The following MPDZ variants were observed in gnomAD, a reference collection of about 807,000 sequenced individuals.
The protein encoded by MPDZ is multiple PDZ domain protein.
Under a neutral mutation model 239.1 loss-of-function variants are expected in MPDZ, and 234 were observed. The ratio of observed to expected loss-of-function variants is 0.98; its 90% CI spans 0.88 to 1.09. The LOEUF is 1.09. Among genes scored for constraint, MPDZ ranks in the 50% least tolerant of loss-of-function variants. The probability of loss-of-function intolerance (pLI) is 0.00; values close to 1 mark genes in which losing one functional copy is unlikely to be tolerated. For missense variants in MPDZ, 3,175 were observed against 2,510.0 expected, an observed-to-expected ratio of 1.26 and a Z score of -5.66; for synonymous variants, 1,048 against 881.3, an observed-to-expected ratio of 1.19 and a Z score of -3.35.
Position 13,106,364 on chromosome 9 carries a change from C to G in MPDZ, c.*601G>C, listed in dbSNP as rs1302915042. ...TTTGCCATTTACTCAATTGTAGAAA[C>G]CAATTTTAGCAGGAAAAATATATAT... On this transcript the variant is annotated 3_prime_UTR_variant, in exon 47 of 47. Transcript: ENST00000319217. 6.6e-6 allele frequency: 1 copy of G among 151,948 alleles called. No homozygotes were observed. Among genetic ancestry groups the G allele is most frequent in the Non-Finnish European group, 1.5e-5 (1 of 67,984 alleles). The allele number at this position is 151,948 out of a possible 1,614,324, so 9.4% of individuals were successfully genotyped here.
intron 21 of MPDZ, among the ~76,000 whole-genome samples, chr9:13,174,405 A>C (rs894513125): frequency 6.6e-6 from 1 of 152,224 alleles, no homozygotes; most frequent in Non-Finnish European, 1.5e-5. Context: ...GTTCTCAGAT[A>C]GGCTTTGCAA....
intron 3 of MPDZ, among the ~76,000 whole-genome samples, chr9:13,230,914 G>T (rs949585600): frequency 6.6e-6 from 1 of 152,142 alleles, no homozygotes; most frequent in Middle Eastern, 3.4e-3. Context: ...GGGAAAAAAA[G>T]GAAAGACAAA....
intron 21 of MPDZ, among the ~76,000 whole-genome samples, chr9:13,168,799 T>C (rs1158079072): frequency 6.6e-6 from 1 of 151,738 alleles, no homozygotes; most frequent in Admixed American, 6.6e-5. Context: ...CAGATCTACA[T>C]TGTGGAATGA....
intron 2 of MPDZ, among the ~76,000 whole-genome samples, chr9:13,248,098 C>T (rs1428140499): frequency 4.6e-5 from 7 of 150,796 alleles, no homozygotes; most frequent in East Asian, 1.9e-4. Context: ...CATGGTGGTG[C>T]GCTCCTGTAA....
chr9:13,246,214 A>G (rs541388886), intron 3 of MPDZ, among the ~76,000 whole-genome samples: 5 of 152,234 alleles, frequency 3.3e-5, no homozygotes, highest in Non-Finnish European at 7.4e-5. Flanking sequence ...TCGGGAGGCC[A>G]AGGCGGATAG....
chr9:13,244,966 T>C (rs1470048862), intron 3 of MPDZ, among the ~76,000 whole-genome samples: 5 of 152,068 alleles, frequency 3.3e-5, no homozygotes, highest in Non-Finnish European at 7.4e-5. Flanking sequence ...TTTCTAATAA[T>C]AGTAAAAAAG....
Position 13,188,908 on chromosome 9 carries a change from G to C in MPDZ, c.2240C>G (p.Pro747Arg). ...GIAEKDGRLL[P>R]GDRLMFVNDV... ...GTTTACAAACATGAGTCGGTCACCA[G>C]GAAGAAGTCGTCCATCCTTTTCAGC... The change falls in exon 17 of 47, where the codon CCT (proline) becomes CGT (arginine). Residue 747 changes from proline to arginine, a missense_variant. Transcript: ENST00000319217. 6.2e-7 allele frequency: 1 copy of C among 1,613,488 alleles called. No individual in the cohort carries two copies. The highest frequency in any genetic ancestry group is 8.5e-7 in the Non-Finnish European group (1 of 1,179,590).
In MPDZ at chr9:13,138,092, T is replaced by C; in HGVS notation, c.4065A>G (p.Lys1355=). 6.2e-7 allele frequency: 1 copy of C among 1,613,014 alleles called. No individual in the cohort carries two copies. The highest frequency in any genetic ancestry group is 1.1e-5 in the South Asian group (1 of 90,802). ...TGELHMIELE[K]GHSGLGLSLA... ...GACTTAGGCCCAAACCACTATGACC[T>C]TTCTCCAGTTCAATCATATGCAGCT... Residue 1355 remains lysine (K), a synonymous_variant, in exon 29 of 47, where the codon AAA becomes AAG. Transcript: ENST00000319217.
At chr9:13,150,177 C>A (rs1220662265) in intron 25 of MPDZ, among the ~76,000 whole-genome samples, 1 of 151,880 alleles carries the variant, frequency 6.6e-6, no homozygotes, top group African/African-American at 2.4e-5. Context: ...AATTATTTTA[C>A]CTTGGAGCCA....
At chr9:13,254,847 A>G (rs1969033357) in intron 1 of MPDZ, among the ~76,000 whole-genome samples, 1 of 152,200 alleles carries the variant, frequency 6.6e-6, no homozygotes, top group Non-Finnish European at 1.5e-5. Flanking sequence ...GAGCTGGTGG[A>G]GGGTCTTGCC....
At chr9:13,113,870 C>G (rs2131251569) in intron 41 of MPDZ, 61 bp downstream of exon 41, 3 of 1,312,028 alleles carry the variant, frequency 2.3e-6, no homozygotes, top group Non-Finnish European at 2.1e-6. Context: ...GTAAACAAGA[C>G]AAAAAAATCA....
At chr9:13,267,782 T>C (rs1458537553) in intron 1 of MPDZ, among the ~76,000 whole-genome samples, 3 of 152,254 alleles carry the variant, frequency 2.0e-5, no homozygotes, top group Middle Eastern at 3.4e-3. Context: ...CTGAGATGAT[T>C]TGGAAAACTC....
rs144105555 is a variant in MPDZ at position 13,273,926 on chromosome 9, C to G, written c.-58+5474G>C. On this transcript the variant is annotated intron_variant, in intron 1 of 46. Transcript: ENST00000319217. Reference sequence around the variant, plus strand: ...TTCAAACAAATGCTATTAGTATCAACTCAAATTATATAACATTTAATAATC... The same window carrying G: ...TTCAAACAAATGCTATTAGTATCAAGTCAAATTATATAACATTTAATAATC... 5.3e-3 allele frequency among the ~76,000 whole-genome samples: 810 copies of G among 152,246 alleles called. 10 individuals are homozygous for G. Among genetic ancestry groups the G allele is most frequent in the African/African-American group, 0.018 (761 of 41,536 alleles).
chr9:13,278,044 C>T (rs1428170130), intron 1 of MPDZ, among the ~76,000 whole-genome samples: 1 of 152,134 alleles, frequency 6.6e-6, no homozygotes, highest in Non-Finnish European at 1.5e-5. Flanking sequence ...CGTTAGTTTT[C>T]AGATAAGGTG....
At chr9:13,124,721 TA>T (rs1314608636) in intron 35 of MPDZ, among the ~76,000 whole-genome samples, 1 of 152,276 alleles carries the variant, frequency 6.6e-6, no homozygotes, top group African/African-American at 2.4e-5. Flanking sequence ...TGGCAATGAC[TA>T]AAGAGTTTCT....
chr9:13,141,058 G>A (rs1244949383), intron 27 of MPDZ: 1 of 150,352 alleles, frequency 6.7e-6, no homozygotes, highest in Non-Finnish European at 1.5e-5. Flanking sequence ...GCCAAAGCAT[G>A]GCATACTGGC....
chr9:13,190,029 T>G lies in MPDZ; in HGVS notation c.2154+85A>C, dbSNP rs1465891478. 32 of 1,216,736 alleles carry G rather than the reference T, an allele frequency of 2.6e-5. 1 individual carries two copies. In the South Asian group the frequency reaches 4.8e-4, roughly 18 times the overall value. 75.4% of individuals were successfully genotyped at this position (1,216,736 alleles called of 1,614,324 possible). A position where few individuals can be genotyped will look rare whatever the true frequency, so the allele number is the denominator to read the frequency against. On this transcript the variant is annotated intron_variant, in intron 16 of 46. Transcript: ENST00000319217. ...CTGACTAGAAAAAAGAAAACATCTT[T>G]GATGGTTATAAACTATCATCATCTG...
chr9:13,139,910 C>A (rs754809077), intron 28 of MPDZ, 77 bp downstream of exon 28: 2 of 1,552,562 alleles, frequency 1.3e-6, no homozygotes, highest in Non-Finnish European at 1.8e-6. Flanking sequence ...CTTACTTATC[C>A]AGGGCGAAAT....
rs1948019971 is a variant in MPDZ, at chr9:13,143,547, G to A, written c.3759C>T (p.Ser1253=). The stretch of plus-strand genomic sequence containing the variant: ...ACTTAGGGTAAAGGTTGTGCAGCAA[G>A]GAAGGCAAAGGGGATTTCTAAAAGG... ...INRPRKSPLP[S]LLHNLYPKYN... The change falls in exon 27 of 47, where the codon TCC becomes TCT. Residue 1253 remains serine (S), a synonymous_variant. Transcript: ENST00000319217. 6.2e-7 allele frequency: 1 copy of A among 1,612,802 alleles called. No homozygotes were observed. Among genetic ancestry groups the A allele is most frequent in the Non-Finnish European group, 8.5e-7 (1 of 1,178,986 alleles).
Sources: gnomAD v4.1 joint callset for allele counts (sites outside exome capture counted in the v4.1 genomes callset) on GRCh38, gnomAD v4.1.1 for gene constraint, MANE v1.5 for transcripts, NCBI Gene and HGNC (gene_info 2026-07-23, HGNC 2026-07-21) for gene names.